Variants in CNTNAP2 observed in about 807,000 individuals in gnomAD.
CNTNAP2 encodes the protein contactin-associated protein-like 2.
In CNTNAP2, 98 loss-of-function variants were observed where a neutral mutation model predicts 155.2. The ratio of observed to expected loss-of-function variants is 0.63; its 90% CI spans 0.54 to 0.75. CNTNAP2 has a LOEUF of 0.75. CNTNAP2 is among the 30% of genes least tolerant of loss of function. The pLI, the probability that CNTNAP2 is intolerant of heterozygous loss-of-function variation, is 0.00. For missense variants in CNTNAP2, 1,727 were observed against 1,688.1 expected, an observed-to-expected ratio of 1.02 and a Z score of -0.40; for synonymous variants, 651 against 631.2, an observed-to-expected ratio of 1.03 and a Z score of -0.47.
intron 15 of CNTNAP2, among the ~76,000 whole-genome samples, chr7:148,074,414 G>A (rs185419371): frequency 2.6e-5 from 4 of 152,330 alleles, no homozygotes; most frequent in African/African-American, 9.6e-5. Context: ...ATCTAGGCCA[G>A]ACCCGGTGGC....
chr7:147,828,020 G>A (rs1342588438), intron 13 of CNTNAP2, among the ~76,000 whole-genome samples: 1 of 152,042 alleles, frequency 6.6e-6, no homozygotes, highest in Non-Finnish European at 1.5e-5. Flanking sequence ...AGGGTACAGA[G>A]GAGAGAAAAG....
In CNTNAP2 at chr7:147,572,230, T is replaced by C. The variant is rs536367492; in HGVS notation, c.1897+9973T>C. Among the ~76,000 whole-genome samples, 35 of 152,114 alleles carry C rather than the reference T, an allele frequency of 2.3e-4. No homozygotes were observed. In the South Asian group the frequency reaches 6.8e-3, roughly 30 times the overall value. On this transcript the variant is annotated intron_variant, in intron 12 of 23. Transcript: ENST00000361727. ...CTGCCAGGCTTTCTTTGCAATCTCA[T>C]CTTCATTGTGTGTCAGCCATAGTGA...
chr7:146,851,682 G>GTA (rs1431375473), intron 3 of CNTNAP2, among the ~76,000 whole-genome samples: 3 of 104,934 alleles, frequency 2.9e-5, no homozygotes, highest in African/African-American at 9.4e-5. Context: ...GTGTGTGTGT[G>GTA]TGTGTGTGTG....
chr7:147,861,030 G>T (rs189621248), intron 13 of CNTNAP2, among the ~76,000 whole-genome samples: 252 of 152,218 alleles, frequency 1.7e-3, no homozygotes, highest in African/African-American at 5.7e-3. Flanking sequence ...CTACTAAATT[G>T]AACTCTTAAT....
At chr7:147,724,130 T>C (rs1796606842) in intron 13 of CNTNAP2, among the ~76,000 whole-genome samples, 4 of 152,016 alleles carry the variant, frequency 2.6e-5, no homozygotes, top group Admixed American at 2.6e-4. Context: ...ACCACAGTCT[T>C]AGAAATCATC....
intron 14 of CNTNAP2, among the ~76,000 whole-genome samples, chr7:147,928,114 A>C (rs546464020): frequency 3.2e-4 from 48 of 152,118 alleles, no homozygotes; most frequent in Admixed American, 9.8e-4. Context: ...CTCTCATTCT[A>C]TCTTGCCTGC....
intron 1 of CNTNAP2, among the ~76,000 whole-genome samples, chr7:146,238,983 A>G (rs1799518705): frequency 1.3e-5 from 2 of 152,148 alleles, no homozygotes; most frequent in South Asian, 2.1e-4. Flanking sequence ...GATTGTGGGG[A>G]TTACAATTCA....
chr7:148,021,200 T>C (rs935167397), intron 15 of CNTNAP2, among the ~76,000 whole-genome samples: 1 of 152,128 alleles, frequency 6.6e-6, no homozygotes, highest in Admixed American at 6.5e-5. Flanking sequence ...GTTTTTGTTT[T>C]GTTTTTGGAC....
chr7:147,720,185 T>C (rs74589653), intron 13 of CNTNAP2, among the ~76,000 whole-genome samples: 7,196 of 152,204 alleles, frequency 0.047, 213 homozygotes, highest in Middle Eastern at 0.11. Flanking sequence ...TAATGACTCT[T>C]AATTTCATTC....
chr7:147,728,289 A>T (rs964711874), intron 13 of CNTNAP2, among the ~76,000 whole-genome samples: 1 of 152,044 alleles, frequency 6.6e-6, no homozygotes, highest in Non-Finnish European at 1.5e-5. Flanking sequence ...AATAACTCTA[A>T]TTCTGTTTCT....
intron 13 of CNTNAP2, among the ~76,000 whole-genome samples, chr7:147,889,257 G>C (rs1472186953): frequency 6.6e-6 from 1 of 151,666 alleles, no homozygotes; most frequent in Admixed American, 6.6e-5. Flanking sequence ...GCAAACAAGA[G>C]AGAAAAAAAG....
Position 147,919,459 on chromosome 7 carries a change from C to CTTTCTTTTTTTT in CNTNAP2, c.2255+15741_2255+15742insCTTTTTTTTTTT, listed in dbSNP as rs58537091. Among the ~76,000 whole-genome samples the CTTTCTTTTTTTT allele has an allele frequency of 9.2e-4, 47 of 51,174 alleles. 3 individuals carry two copies. Among genetic ancestry groups the CTTTCTTTTTTTT allele is most frequent in the African/African-American group, 3.8e-3 (35 of 9,256 alleles). 33.6% of individuals were successfully genotyped at this position (51,174 alleles called of 152,430 possible). A position where few individuals can be genotyped will look rare whatever the true frequency, so the allele number is the denominator to read the frequency against. ...CACCATGTCTGGCTACTTTTTCTTT[C>CTTTCTTTTTTTT]TTTTTTTTTTTTTTTTTGAGACAGA... On this transcript the variant is annotated intron_variant, in intron 14 of 23. Transcript: ENST00000361727.
At chr7:146,693,546 A>G (rs1800732784) in intron 1 of CNTNAP2, among the ~76,000 whole-genome samples, 2 of 152,178 alleles carry the variant, frequency 1.3e-5, no homozygotes, top group Non-Finnish European at 2.9e-5. Flanking sequence ...GAAAAATATT[A>G]TAAGATATAA....
intron 14 of CNTNAP2, among the ~76,000 whole-genome samples, chr7:147,915,621 A>C (rs544763858): frequency 8.5e-5 from 13 of 152,258 alleles, no homozygotes; most frequent in African/African-American, 3.1e-4. Context: ...TTCTAGATAC[A>C]TAAACGGAGA....
intron 9 of CNTNAP2, among the ~76,000 whole-genome samples, chr7:147,373,094 T>C (rs920924783): frequency 2.0e-5 from 3 of 152,230 alleles, no homozygotes; most frequent in African/African-American, 7.2e-5. Context: ...CCCGTTATTG[T>C]TAAAATTAAC....
In CNTNAP2 at chr7:147,851,849, T is replaced by G. The variant is rs533046403; in HGVS notation, c.2099-51716T>G. ...GGGTGCAGCACACCAACATGGCACA[T>G]GTATACATATGTAATAAACCTGCAC... On this transcript the variant is annotated intron_variant, in intron 13 of 23. Transcript: ENST00000361727. 3.3e-5 allele frequency among the ~76,000 whole-genome samples: 5 copies of G among 152,164 alleles called. No individual in the cohort carries two copies. In the South Asian group the frequency reaches 1.0e-3, roughly 32 times the overall value.
chr7:146,926,930 A>C (rs564048464), intron 3 of CNTNAP2, among the ~76,000 whole-genome samples: 14 of 152,268 alleles, frequency 9.2e-5, no homozygotes, highest in African/African-American at 3.4e-4. Flanking sequence ...AAACACAAAT[A>C]ACTTCGATTC....
intron 1 of CNTNAP2, among the ~76,000 whole-genome samples, chr7:146,758,118 A>G (rs1036298859): frequency 1.3e-5 from 2 of 152,110 alleles, no homozygotes; most frequent in Non-Finnish European, 2.9e-5. Flanking sequence ...GAGATCGCAA[A>G]TTCTCTGCTT....
chr7:146,879,046 C>T (rs1562984413), intron 3 of CNTNAP2, among the ~76,000 whole-genome samples: 1 of 152,158 alleles, frequency 6.6e-6, no homozygotes, highest in Non-Finnish European at 1.5e-5. Context: ...AGAAACACTC[C>T]AGGCTTGTAG....
Sources: allele counts gnomAD v4.1 joint callset (sites outside exome capture counted in the v4.1 genomes callset), GRCh38; gene constraint gnomAD v4.1.1; transcripts MANE v1.5; gene names NCBI Gene and HGNC (gene_info 2026-07-23, HGNC 2026-07-21).